Variants in ANO4 observed in about 807,000 individuals in gnomAD.
The protein encoded by ANO4 is anoctamin-4.
Under a neutral mutation model 141.9 loss-of-function variants are expected in ANO4, and 69 were observed. The observed-to-expected ratio is 0.49, with a 90% CI of 0.40 to 0.59. The LOEUF is 0.59. Ranked by LOEUF, ANO4 falls within the 20% of genes least tolerant of loss-of-function variation. ANO4 has a pLI of 0.00. For synonymous variants in ANO4, 350 were observed against 394.3 expected (o/e 0.89, Z 1.33); for missense variants, 894 against 1,162.2 (o/e 0.77, Z 3.36).
intron 3 of ANO4, among the ~76,000 whole-genome samples, chr12:100,757,234 C>T (rs1469819577): frequency 6.6e-6 from 1 of 152,188 alleles, no homozygotes; most frequent in African/African-American, 2.4e-5. Context: ...TCCCCAATCT[C>T]CCTGCCTTGG....
intron 16 of ANO4, among the ~76,000 whole-genome samples, chr12:101,085,198 T>G (rs2136893862): frequency 6.6e-6 from 1 of 152,318 alleles, no homozygotes; most frequent in South Asian, 2.1e-4. Flanking sequence ...GAGGCCTGGC[T>G]TCAAGGTCTA....
chr12:101,006,007 G>A (rs910861433), intron 8 of ANO4, among the ~76,000 whole-genome samples: 8 of 152,050 alleles, frequency 5.3e-5, no homozygotes, highest in Non-Finnish European at 8.8e-5. Flanking sequence ...CAATATCAAA[G>A]GTACTGTTTG....
chr12:101,020,034 C>T lies in ANO4; in HGVS notation c.735C>T (p.His245=). The change falls in exon 9 of 28, where the codon CAC becomes CAT. Residue 245 remains histidine (H), a splice_region_variant and synonymous_variant. Coordinates refer to ENST00000392977, the MANE Select transcript of ANO4 (RefSeq NM_001286615.2). ...TAPFSQQRIH[H]FIIHNKETFF... is the part of the protein sequence containing the mutation. ...TTGTATTTTTAATATATGTATGCAGCTTCATCATACACAACAAAGAAACGT... is the reference window on the plus strand; with the variant it reads ...TTGTATTTTTAATATATGTATGCAGTTTCATCATACACAACAAAGAAACGT... The T allele has an allele frequency of 1.9e-6, 3 of 1,600,918 alleles. No individual in the cohort carries two copies. The highest frequency in any genetic ancestry group is 2.6e-6 in the Non-Finnish European group (3 of 1,168,600).
chr12:101,036,521 AAAG>A (rs554760388), intron 9 of ANO4, among the ~76,000 whole-genome samples: 4 of 152,208 alleles, frequency 2.6e-5, no homozygotes, highest in Non-Finnish European at 5.9e-5. Context: ...CAACCATAAA[AAAG>A]AAGAAAATCC....
intron 1 of ANO4, among the ~76,000 whole-genome samples, chr12:100,723,467 T>C (rs2030958207): frequency 6.6e-6 from 1 of 152,126 alleles, no homozygotes; most frequent in South Asian, 2.1e-4. Context: ...CTGTCTCTTA[T>C]AAGGGAACTA....
At position 100,801,258 on chromosome 12, in the gene ANO4, G is replaced by T. The variant is rs139841655; in HGVS notation, c.-141+6231G>T. Among the ~76,000 whole-genome samples the T allele has an allele frequency of 2.6e-5, 4 of 152,222 alleles. No individual in the cohort carries two copies. The East Asian group carries it at 7.7e-4, about 29-fold the overall frequency. On this transcript the variant is annotated intron_variant, in intron 1 of 27. Coordinates refer to ENST00000392977, the MANE Select transcript of ANO4 (RefSeq NM_001286615.2). ...TGGGAATCACCATCTAAAACCTATG[G>T]TGCTGTCATTGGCAGCTTCTGCTCT... is the stretch of plus-strand genomic sequence containing the variant.
At chr12:101,091,194 A>G (rs1340221635) in intron 17 of ANO4, among the ~76,000 whole-genome samples, 3 of 152,188 alleles carry the variant, frequency 2.0e-5, no homozygotes, top group Non-Finnish European at 4.4e-5. Flanking sequence ...AACTAGAATA[A>G]CATAAGGTTG....
chr12:101,047,968 A>C lies in ANO4; in HGVS notation c.1252-373A>C, dbSNP rs1214781706. 5.0e-6 allele frequency: 5 copies of C among 993,774 alleles called. No homozygotes were observed. In the African/African-American group the frequency reaches 8.7e-5, roughly 17 times the overall value. The allele number at this position is 993,774 out of a possible 1,614,324, so 61.6% of individuals were successfully genotyped here. A position where few individuals can be genotyped will look rare whatever the true frequency, so the allele number is the denominator to read the frequency against. Reference sequence around the variant, plus strand: ...ATTAAAAACAGTGCTTGGGAAGTTGAAAACCTTTAAAGCAGCACTAACAAT... The same window carrying C: ...ATTAAAAACAGTGCTTGGGAAGTTGCAAACCTTTAAAGCAGCACTAACAAT... On this transcript the variant is annotated intron_variant, in intron 13 of 27. Transcript: ENST00000392977.
At position 100,725,685 on chromosome 12, in the gene ANO4, A is replaced by G. The variant is rs181034314; in HGVS notation, c.23-8089A>G. 2.2e-3 allele frequency among the ~76,000 whole-genome samples: 335 copies of G among 152,318 alleles called. 1 individual carries two copies. The highest frequency in any genetic ancestry group is 7.5e-3 in the African/African-American group (310 of 41,562). ...TAACTGTCAACCTGGCCTATGCCTA[A>G]AATAAGGACTTTGGAGCTTCATAGT... On this transcript the variant is annotated intron_variant, in intron 1 of 29. Transcript: ENST00000644049.
chr12:100,746,915 T>G (rs1349268773), intron 3 of ANO4, among the ~76,000 whole-genome samples: 1 of 151,952 alleles, frequency 6.6e-6, no homozygotes, highest in Non-Finnish European at 1.5e-5. Context: ...TCTCCCTAAA[T>G]TGTATCTCAT....
intron 14 of ANO4, among the ~76,000 whole-genome samples, chr12:101,059,964 G>A (rs1353461981): frequency 2.6e-5 from 4 of 152,068 alleles, no homozygotes; most frequent in Non-Finnish European, 4.4e-5. Flanking sequence ...TCTTTTAATT[G>A]TGATGTTAGG....
intron 7 of ANO4, among the ~76,000 whole-genome samples, chr12:100,983,008 A>G (rs1417613652): frequency 6.6e-6 from 1 of 152,200 alleles, no homozygotes; most frequent in Non-Finnish European, 1.5e-5. Context: ...GTCCAACTTG[A>G]ATCTTATGCT....
At chr12:100,811,482 G>A (rs919517789) in intron 1 of ANO4, among the ~76,000 whole-genome samples, 3 of 152,266 alleles carry the variant, frequency 2.0e-5, no homozygotes, top group African/African-American at 7.2e-5. Flanking sequence ...CCAGCCAGGT[G>A]CCCCTTTTGT....
At chr12:100,751,817 A>C (rs1327865294) in intron 3 of ANO4, among the ~76,000 whole-genome samples, 1 of 152,142 alleles carries the variant, frequency 6.6e-6, no homozygotes, top group Non-Finnish European at 1.5e-5. Context: ...AAAGGACACT[A>C]TTAGGGGGTG....
intron 16 of ANO4, 43 bp from the exon 17 acceptor site, chr12:101,086,617 C>G (rs1309784906): frequency 6.2e-7 from 1 of 1,608,170 alleles, no homozygotes; most frequent in East Asian, 2.2e-5. Context: ...CTTCCTGTAA[C>G]ATTCCACCAA....
chr12:101,063,658 G>T (rs2048440084), intron 14 of ANO4, among the ~76,000 whole-genome samples: 1 of 147,570 alleles, frequency 6.8e-6, no homozygotes, highest in Non-Finnish European at 1.5e-5. Flanking sequence ...TTGTACCAGT[G>T]ATGCCACCTG....
chr12:101,009,642 A>G (rs2046000532), intron 8 of ANO4, among the ~76,000 whole-genome samples: 1 of 152,050 alleles, frequency 6.6e-6, no homozygotes. Context: ...AACCTTATAT[A>G]ATTGTCTCTT....
At chr12:100,901,285 G>A (rs57744789) in intron 1 of ANO4, among the ~76,000 whole-genome samples, 19,770 of 152,156 alleles carry the variant, frequency 0.13, 2,114 homozygotes, top group African/African-American at 0.29. Flanking sequence ...TGTGAGTTTA[G>A]CCAACAACTT....
At chr12:100,803,079 C>T (rs1326305984) in intron 1 of ANO4, among the ~76,000 whole-genome samples, 6 of 152,080 alleles carry the variant, frequency 3.9e-5, no homozygotes, top group African/African-American at 1.4e-4. Flanking sequence ...CATCAAAGCC[C>T]ATTAGTATTT....
Sources: gnomAD v4.1 joint callset for allele counts (sites outside exome capture counted in the v4.1 genomes callset) on GRCh38, gnomAD v4.1.1 for gene constraint, MANE v1.5 for transcripts, NCBI Gene and HGNC (gene_info 2026-07-23, HGNC 2026-07-21) for gene names.